Variants in GPATCH2 observed in about 807,000 individuals in gnomAD.
GPATCH2 encodes the protein G-patch domain containing 2.
Under a neutral mutation model 58.0 loss-of-function variants are expected in GPATCH2, and 51 were observed. The observed-to-expected ratio is 0.88, with a 90% CI of 0.70 to 1.11. The LOEUF is 1.11. GPATCH2 is among the 50% of genes most tolerant of loss of function. The pLI is 0.00. For synonymous variants in GPATCH2, 222 were observed against 218.5 expected, an observed-to-expected ratio of 1.02 and a Z score of -0.14; for missense variants, 625 against 652.2, an observed-to-expected ratio of 0.96 and a Z score of 0.45.
intron 5 of GPATCH2, among the ~76,000 whole-genome samples, chr1:217,530,387 A>G (rs542122427): frequency 7.2e-5 from 11 of 152,336 alleles, no homozygotes; most frequent in Non-Finnish European, 1.5e-4. Flanking sequence ...AATTAAAGAG[A>G]TCATTTGTAA....
rs536971218 is a variant in GPATCH2, at chr1:217,570,197, C to T, written c.1098+40124G>A. ...CTCAATCTCGGCTGAATGCAACCTC[C>T]GCCTCCTGGGTTCCAGCGATTCTCC... is the stretch of plus-strand genomic sequence containing the variant. On this transcript the variant is annotated intron_variant, in intron 5 of 9. Transcript: ENST00000366935. Among the ~76,000 whole-genome samples the T allele has an allele frequency of 3.9e-5, 6 of 152,208 alleles. No individual in the cohort carries two copies. In the South Asian group the frequency reaches 8.3e-4, roughly 21 times the overall value.
chr1:217,563,395 T>C (rs1233481485), intron 5 of GPATCH2, among the ~76,000 whole-genome samples: 2 of 152,142 alleles, frequency 1.3e-5, no homozygotes, highest in Non-Finnish European at 2.9e-5. Context: ...CCAAAATTAA[T>C]AAAACTGGTT....
intron 5 of GPATCH2, among the ~76,000 whole-genome samples, chr1:217,568,110 C>G (rs1057143772): frequency 6.6e-6 from 1 of 151,904 alleles, no homozygotes; most frequent in Admixed American, 6.6e-5. Flanking sequence ...GAGCAAGACT[C>G]CGTCTCAAAA....
chr1:217,487,139 C>A (rs1483947424), intron 8 of GPATCH2, among the ~76,000 whole-genome samples: 2 of 152,170 alleles, frequency 1.3e-5, no homozygotes, highest in Non-Finnish European at 2.9e-5. Context: ...GTCAAAGCCA[C>A]CCTGCTTTAC....
At position 217,458,401 on chromosome 1, in the gene GPATCH2, C is replaced by T. The variant is rs1223699993; in HGVS notation, c.1278-9064G>A. On this transcript the variant is annotated intron_variant, in intron 8 of 9. Coordinates refer to ENST00000366935, the MANE Select transcript of GPATCH2 (RefSeq NM_018040.5). ...TTTTGTACTGCTTCATTATTCCACACAAATGATAACTGAAAATGGTAGCGG... is the reference window on the plus strand; with the variant it reads ...TTTTGTACTGCTTCATTATTCCACATAAATGATAACTGAAAATGGTAGCGG... 3.3e-5 allele frequency among the ~76,000 whole-genome samples: 5 copies of T among 152,166 alleles called. 1 individual carries two copies. The highest frequency in any genetic ancestry group is 2.6e-4 in the Admixed American group (4 of 15,270).
intron 8 of GPATCH2, among the ~76,000 whole-genome samples, chr1:217,487,933 G>T (rs761428476): frequency 2.0e-5 from 3 of 152,004 alleles, no homozygotes; most frequent in African/African-American, 7.3e-5. Flanking sequence ...GTAGAGACGC[G>T]GTTTCACCAT....
chr1:217,440,672 A>G (rs1043082085), intron 9 of GPATCH2, among the ~76,000 whole-genome samples: 4 of 152,366 alleles, frequency 2.6e-5, no homozygotes, highest in South Asian at 2.1e-4. Context: ...GTCTCAGGAT[A>G]CAAAATCAAT....
At chr1:217,523,762 G>A (rs1418920329) in intron 5 of GPATCH2, among the ~76,000 whole-genome samples, 9 of 148,242 alleles carry the variant, frequency 6.1e-5, no homozygotes, top group South Asian at 2.1e-4. Flanking sequence ...GGGCAGAGGC[G>A]CCCCTCACCT....
intron 8 of GPATCH2, among the ~76,000 whole-genome samples, chr1:217,479,556 G>A (rs1661124768): frequency 6.6e-6 from 1 of 151,894 alleles, no homozygotes; most frequent in African/African-American, 2.4e-5. Flanking sequence ...CATATTACCA[G>A]AGAAAATCAC....
chr1:217,566,337 C>T (rs1034192023), intron 5 of GPATCH2, among the ~76,000 whole-genome samples: 2 of 152,028 alleles, frequency 1.3e-5, no homozygotes, highest in African/African-American at 4.8e-5. Context: ...TTGTCCTTAC[C>T]AATTGAATAT....
At chr1:217,468,182 A>G (rs1340888219) in intron 8 of GPATCH2, among the ~76,000 whole-genome samples, 3 of 152,228 alleles carry the variant, frequency 2.0e-5, no homozygotes, top group Non-Finnish European at 2.9e-5. Flanking sequence ...ACTAGAACAT[A>G]TTAAAAGAAT....
intron 2 of GPATCH2, among the ~76,000 whole-genome samples, chr1:217,616,471 A>T (rs1668890739): frequency 6.6e-6 from 1 of 152,118 alleles, no homozygotes; most frequent in African/African-American, 2.4e-5. Context: ...TGAAGATATA[A>T]GGAAATCAGA....
At chr1:217,600,991 T>C (rs1668078460) in intron 5 of GPATCH2, among the ~76,000 whole-genome samples, 1 of 152,168 alleles carries the variant, frequency 6.6e-6, no homozygotes, top group Admixed American at 6.5e-5. Context: ...GCCATTTCTT[T>C]ACTAATAAAG....
chr1:217,610,025 GCC>G, intron 5 of GPATCH2: 1 of 1,428,330 alleles, frequency 7.0e-7, no homozygotes, highest in Non-Finnish European at 9.1e-7. Flanking sequence ...AGCAAAAACA[GCC>G]CCATCTTTTC....
At chr1:217,466,898 C>G (rs755649140) in intron 8 of GPATCH2, among the ~76,000 whole-genome samples, 29 of 152,268 alleles carry the variant, frequency 1.9e-4, no homozygotes, top group Non-Finnish European at 3.8e-4. Context: ...ATCTGCTGGG[C>G]GCGGTGGCTC....
rs545713694 is a variant in GPATCH2, at chr1:217,542,536, T to C, written c.1099-27647A>G. Among the ~76,000 whole-genome samples the C allele has an allele frequency of 4.7e-4, 71 of 152,314 alleles. 1 individual carries two copies. The South Asian group carries it at 0.013, about 29-fold the overall frequency. On this transcript the variant is annotated intron_variant, in intron 5 of 9. Transcript: ENST00000366935. The stretch of plus-strand genomic sequence containing the variant: ...TTTCAAGCGCTGGGAGCCCTCCGTC[T>C]CTGGAAGCGGGAGAGCCTGGCCAAG...
chr1:217,523,410 C>T lies in GPATCH2; in HGVS notation c.1099-8521G>A, dbSNP rs577134680. 6.1e-4 allele frequency among the ~76,000 whole-genome samples: 93 copies of T among 151,776 alleles called. No individual in the cohort carries two copies. In the East Asian group the frequency reaches 0.014, roughly 22 times the overall value. On this transcript the variant is annotated intron_variant, in intron 5 of 9. Coordinates refer to ENST00000366935, the MANE Select transcript of GPATCH2 (RefSeq NM_018040.5). ...ATGCTGCCTTCAAGCGTCTGTTTAA[C>T]AAGGCACAACTTGCACCGCCCTTAA... is the stretch of plus-strand genomic sequence containing the variant.
chr1:217,475,801 A>C (rs1660940711), intron 8 of GPATCH2, among the ~76,000 whole-genome samples: 1 of 152,202 alleles, frequency 6.6e-6, no homozygotes, highest in East Asian at 1.9e-4. Flanking sequence ...GACATGCAAA[A>C]TTCCATAAAT....
rs371584132 is a variant in GPATCH2, at chr1:217,443,150, G to A, written c.1366+6099C>T. Among the ~76,000 whole-genome samples the A allele has an allele frequency of 3.2e-4, 48 of 152,060 alleles. 1 individual carries two copies. The South Asian group carries it at 8.5e-3, about 27-fold the overall frequency. On this transcript the variant is annotated intron_variant, in intron 9 of 9. Transcript: ENST00000366935. ...AATATTAATTTAGCTTTTAGTACAC[G>A]CTCAACAATTTCTTTGCTCACCATT... is the stretch of plus-strand genomic sequence containing the variant.
Sources: allele counts gnomAD v4.1 joint callset (sites outside exome capture counted in the v4.1 genomes callset), GRCh38; gene constraint gnomAD v4.1.1; transcripts MANE v1.5; gene names NCBI Gene and HGNC (gene_info 2026-07-23, HGNC 2026-07-21).